REDIC1: variants seen among roughly 807,000 people sequenced by gnomAD.
REDIC1 encodes the protein HEI10 Interacting Protein 1.
the REDIC1 span, chr12:39,682,583 G>T: frequency 1.4e-6 from 2 of 1,472,890 alleles, no homozygotes; most frequent in African/African-American, 2.8e-5. Context: ...TGCTTTTCTT[G>T]CTAAATATGT....
the REDIC1 span, among the ~76,000 whole-genome samples, chr12:39,653,492 GTCTTCTTCTTCTTCTTCTTCTTCT>G: frequency 5.5e-5 from 3 of 54,288 alleles, no homozygotes; most frequent in Non-Finnish European, 8.7e-5. Context: ...CAATCTGGAT[GTCTTCTTCTTCTTCTTCTTCTTCT>G]TCTTCTTCTT....
At chr12:39,907,195 C>T in the REDIC1 span, among the ~76,000 whole-genome samples, 1 of 152,088 alleles carries the variant, frequency 6.6e-6, no homozygotes, top group Admixed American at 6.6e-5. Flanking sequence ...AAGAAAGCCA[C>T]TTATTAGCTC....
chr12:39,845,784 T>G, the REDIC1 span, among the ~76,000 whole-genome samples: 6 of 152,016 alleles, frequency 3.9e-5, no homozygotes, highest in Non-Finnish European at 8.8e-5. Flanking sequence ...TAAATCAAGG[T>G]GAATGAAACC....
At chr12:39,683,546 T>C in the REDIC1 span, 2 of 1,310,218 alleles carry the variant, frequency 1.5e-6, no homozygotes, top group South Asian at 1.2e-5. Context: ...ATGATGAATG[T>C]TGAATTGATG....
the REDIC1 span, among the ~76,000 whole-genome samples, chr12:39,782,329 ATTGAAT>A: frequency 2.0e-5 from 3 of 152,088 alleles, no homozygotes; most frequent in South Asian, 2.1e-4. Flanking sequence ...GGGGGAGCTA[ATTGAAT>A]CATGGGGGCG....
the REDIC1 span, among the ~76,000 whole-genome samples, chr12:39,801,924 C>A: frequency 1.3e-5 from 2 of 152,222 alleles, no homozygotes; most frequent in South Asian, 4.1e-4. Flanking sequence ...ATTCTAGGTG[C>A]TGCAGCAGCA....
the REDIC1 span, among the ~76,000 whole-genome samples, chr12:39,703,022 A>G: frequency 6.6e-6 from 1 of 152,234 alleles, no homozygotes; most frequent in African/African-American, 2.4e-5. Flanking sequence ...GAAACCTGGC[A>G]CAAGACAGGG....
At chr12:39,896,467 CAT>C in the REDIC1 span, among the ~76,000 whole-genome samples, 4 of 124,068 alleles carry the variant, frequency 3.2e-5, no homozygotes, top group African/African-American at 1.2e-4. Flanking sequence ...TATATGTATA[CAT>C]ATATGTATAT....
chr12:39,704,978 C>T, the REDIC1 span, among the ~76,000 whole-genome samples: 1 of 150,796 alleles, frequency 6.6e-6, no homozygotes, highest in Non-Finnish European at 1.5e-5. Context: ...TGCTAGATGA[C>T]GAGTTAGTGG....
the REDIC1 span, among the ~76,000 whole-genome samples, chr12:39,649,146 T>A: frequency 4.6e-5 from 7 of 152,030 alleles, no homozygotes; most frequent in Non-Finnish European, 8.8e-5. Context: ...TGCAGGTTAA[T>A]GATGAGCTCC....
the REDIC1 span, chr12:39,756,025 CAG>C: frequency 6.6e-6 from 1 of 151,848 alleles, no homozygotes; most frequent in Non-Finnish European, 1.5e-5. Flanking sequence ...AAAATAGCAG[CAG>C]TATTGCTCAC....
the REDIC1 span, among the ~76,000 whole-genome samples, chr12:39,746,803 C>A: frequency 6.6e-6 from 1 of 152,238 alleles, no homozygotes; most frequent in Non-Finnish European, 1.5e-5. Context: ...GCTGCTGATA[C>A]CTAGGCAAAC....
the REDIC1 span, among the ~76,000 whole-genome samples, chr12:39,660,800 C>T: frequency 6.6e-6 from 1 of 152,022 alleles, no homozygotes; most frequent in Non-Finnish European, 1.5e-5. Flanking sequence ...CCCTTCACAG[C>T]CCCTCCCTTC....
chr12:39,633,635 G>A, the REDIC1 span, among the ~76,000 whole-genome samples: 3 of 152,234 alleles, frequency 2.0e-5, no homozygotes, highest in Admixed American at 2.0e-4. Context: ...AGTGAAGTAG[G>A]TTTATTTATA....
the REDIC1 span, among the ~76,000 whole-genome samples, chr12:39,730,981 G>T: frequency 1.3e-5 from 2 of 152,072 alleles, no homozygotes; most frequent in Non-Finnish European, 2.9e-5. Flanking sequence ...CGAAGTTCTT[G>T]TGCTGTGTTT....
At chr12:39,711,841 AT>A in the REDIC1 span, among the ~76,000 whole-genome samples, 1 of 83,374 alleles carries the variant, frequency 1.2e-5, no homozygotes, top group Non-Finnish European at 2.4e-5. Flanking sequence ...ATATGTGTGT[AT>A]ACACATGCAT....
At chr12:39,876,952 T>C in the REDIC1 span, among the ~76,000 whole-genome samples, 2 of 152,174 alleles carry the variant, frequency 1.3e-5, no homozygotes, top group African/African-American at 4.8e-5. Flanking sequence ...CTTAAAGATT[T>C]CCATTATCTA....
chr12:39,708,967 A>G, the REDIC1 span, among the ~76,000 whole-genome samples: 1 of 151,864 alleles, frequency 6.6e-6, no homozygotes, highest in Non-Finnish European at 1.5e-5. Flanking sequence ...TATTATCTTT[A>G]TAATGTTGAG....
At chr12:39,626,445 A>T in the REDIC1 span, 15 of 1,553,044 alleles carry the variant, frequency 9.7e-6, no homozygotes, top group African/African-American at 1.4e-5. Flanking sequence ...TCACAGCCTT[A>T]GCTGGAAAGA....
Sources: gnomAD v4.1 joint callset for allele counts (sites outside exome capture counted in the v4.1 genomes callset) on GRCh38, gnomAD v4.1.1 for gene constraint, MANE v1.5 for transcripts, NCBI Gene and HGNC (gene_info 2026-07-23, HGNC 2026-07-21) for gene names.